The following MGAM variants were observed in gnomAD, a reference collection of about 807,000 sequenced individuals.
MGAM encodes the protein maltase-glucoamylase.
MGAM carries 253 observed loss-of-function variants against 358.8 expected under a neutral mutation model. That is an observed-to-expected ratio of 0.71 (90% confidence interval 0.64 to 0.78). The LOEUF (loss-of-function observed/expected upper bound fraction) is 0.78. MGAM is among the 30% of genes least tolerant of loss of function. The probability of loss-of-function intolerance (pLI) is 0.00; values close to 1 mark genes in which losing one functional copy is unlikely to be tolerated. For synonymous variants in MGAM, 1,105 were observed against 1,227.1 expected (o/e 0.90, Z 2.08); for missense variants, 3,080 against 3,432.6 (o/e 0.90, Z 2.57).
At chr7:142,063,394 G>A in intron 35 of MGAM, 105 bp from the exon 36 acceptor site, 2 of 1,358,452 alleles carry the variant, frequency 1.5e-6, no homozygotes, top group African/African-American at 1.4e-5. Flanking sequence ...GGCATCTACA[G>A]AGATTACTGG....
At chr7:142,058,554 G>A (rs1325920089) in intron 31 of MGAM, among the ~76,000 whole-genome samples, 2 of 152,198 alleles carry the variant, frequency 1.3e-5, no homozygotes, top group Admixed American at 6.5e-5. Context: ...GTGGGAGATA[G>A]GCTGGCTCCA....
intron 57 of MGAM, among the ~76,000 whole-genome samples, chr7:142,088,300 C>G (rs534614899): frequency 4.1e-5 from 6 of 146,094 alleles, no homozygotes; most frequent in African/African-American, 1.5e-4. Context: ...TGCAGTAAAA[C>G]AAAACAAACA....
intron 3 of MGAM, 95 bp downstream of exon 3, chr7:142,008,800 C>T: frequency 7.5e-7 from 1 of 1,327,162 alleles, no homozygotes; most frequent in East Asian, 2.4e-5. Flanking sequence ...TTATTAGTGA[C>T]TCTCAAGAGA....
chr7:141,986,791 A>G (rs1352569786), intron 2 of MGAM, among the ~76,000 whole-genome samples: 1 of 152,218 alleles, frequency 6.6e-6, no homozygotes, highest in Non-Finnish European at 1.5e-5. Flanking sequence ...CTAAAATGGT[A>G]TTTCCAAGAA....
intron 1 of MGAM, among the ~76,000 whole-genome samples, 179 bp from the exon 2 acceptor site, chr7:142,005,350 G>A (rs1206122450): frequency 6.6e-6 from 1 of 152,022 alleles, no homozygotes; most frequent in Non-Finnish European, 1.5e-5. Context: ...GAGAAAAGTG[G>A]ACCAGAATAA....
In MGAM at chr7:142,022,408, C is replaced by G. The variant is rs782344799; in HGVS notation, c.851C>G (p.Pro284Arg). 1.2e-6 allele frequency: 2 copies of G among 1,613,488 alleles called. No individual in the cohort carries two copies. The highest frequency in any genetic ancestry group is 8.5e-7 in the Non-Finnish European group (1 of 1,179,612). ...YRHDMNWKTW[P>R]IFNRDTTPNG... ...CATGATATGAATTGGAAGACCTGGC[C>G]CATATTTAACAGAGACACAACTCCC... The change falls in exon 7 of 71, where the codon CCC (proline) becomes CGC (arginine). Residue 284 changes from proline to arginine, a missense_variant. Pro to Arg is a moderately radical substitution (Grantham distance 103). Coordinates refer to ENST00000475668, the MANE Select transcript of MGAM (RefSeq NM_001365693.1).
chr7:142,080,681 A>C (rs1814175061), intron 49 of MGAM, 110 bp from the exon 50 acceptor site: 2 of 998,322 alleles, frequency 2.0e-6, no homozygotes, highest in Non-Finnish European at 2.9e-6. Context: ...AAACTTAAAG[A>C]AGACAGAAAC....
At chr7:142,056,485 G>C (rs1313678072) in intron 29 of MGAM, among the ~76,000 whole-genome samples, 1 of 152,124 alleles carries the variant, frequency 6.6e-6, no homozygotes, top group East Asian at 1.9e-4. Flanking sequence ...CTCACTGTCC[G>C]GGTGAGGGAT....
In MGAM at chr7:142,088,814, CTATG is replaced by C. The variant is rs1388058561; in HGVS notation, c.6810+2100_6810+2103del. Among the ~76,000 whole-genome samples, 7 of 115,142 alleles carry C rather than the reference CTATG, an allele frequency of 6.1e-5. 1 individual carries two copies. The highest frequency in any genetic ancestry group is 5.8e-5 in the African/African-American group (2 of 34,448). The allele number at this position is 115,142 out of a possible 152,430, so 75.5% of individuals were successfully genotyped here. ...CTATCTATCTATCATTCTATCCTATCTATGTACCATCTATCTATCTATCTATCTA... is the reference window on the plus strand; with the variant it reads ...CTATCTATCTATCATTCTATCCTATCTACCATCTATCTATCTATCTATCTA... On this transcript the variant is annotated intron_variant, in intron 57 of 70. Transcript: ENST00000475668.
At chr7:142,020,011 G>T (rs913902979) in intron 4 of MGAM, among the ~76,000 whole-genome samples, 4 of 151,678 alleles carry the variant, frequency 2.6e-5, no homozygotes, top group Non-Finnish European at 4.4e-5. Context: ...AGAGGTTGCA[G>T]TGAGCTGAGA....
chr7:142,051,267 G>A (rs185511692), intron 24 of MGAM, among the ~76,000 whole-genome samples: 2 of 152,128 alleles, frequency 1.3e-5, no homozygotes, highest in African/African-American at 4.8e-5. Context: ...GTCAGGTTTT[G>A]GAGGTCTTAG....
intron 23 of MGAM, among the ~76,000 whole-genome samples, 182 bp from the exon 24 acceptor site, chr7:142,050,515 T>A (rs1810841640): frequency 6.6e-6 from 1 of 152,162 alleles, no homozygotes; most frequent in African/African-American, 2.4e-5. Context: ...GTTTTTATGA[T>A]CGTTTTAAAT....
At chr7:142,059,052 T>C (rs1189482504) in intron 31 of MGAM, among the ~76,000 whole-genome samples, 1 of 152,230 alleles carries the variant, frequency 6.6e-6, no homozygotes, top group African/African-American at 2.4e-5. Context: ...TATACATCTT[T>C]GCTTTGTTTT....
At position 142,036,947 on chromosome 7, in the gene MGAM, G is replaced by C; in HGVS notation, c.2201G>C (p.Gly734Ala). Residue 734 changes from glycine (G) to alanine (A), a missense_variant, in exon 18 of 71, where the codon GGG becomes GCG. This residue lies in a region of MGAM where 1,816 missense variants were observed against 1,840.5 expected (regional missense o/e 0.99). Coordinates refer to ENST00000475668, the MANE Select transcript of MGAM (RefSeq NM_001365693.1). The stretch of plus-strand genomic sequence containing the variant: ...CTCTTCTTCCGTGCTCACAGCCGAG[G>C]GGACACGGTGGCCAGGCCCCTTTTG... ...YTLFFRAHSR[G>A]DTVARPLLHE... 6.2e-7 allele frequency: 1 copy of C among 1,613,582 alleles called. No homozygotes were observed. Among genetic ancestry groups the C allele is most frequent in the Non-Finnish European group, 8.5e-7 (1 of 1,179,624 alleles).
intron 63 of MGAM, 128 bp downstream of exon 63, chr7:142,094,991 G>T: frequency 1.1e-6 from 1 of 894,476 alleles, no homozygotes. Context: ...TTGAGACAAA[G>T]ACTCATTCTA....
At chr7:142,050,135 A>C in intron 22 of MGAM, 100 bp from the exon 23 acceptor site, 1 of 1,106,520 alleles carries the variant, frequency 9.0e-7, no homozygotes, top group Non-Finnish European at 1.4e-6. Flanking sequence ...GAAAACTGCT[A>C]TGTGTGACCT....
At chr7:142,053,041 T>C (rs1404604545) in intron 26 of MGAM, 57 bp downstream of exon 26, 6 of 1,556,590 alleles carry the variant, frequency 3.9e-6, no homozygotes, top group Non-Finnish European at 5.3e-6. Flanking sequence ...CCATTACCTT[T>C]TATTGGTCTG....
chr7:142,066,248 C>CT (rs1812745895), intron 40 of MGAM, among the ~76,000 whole-genome samples: 1 of 146,396 alleles, frequency 6.8e-6, no homozygotes, highest in South Asian at 2.2e-4. Context: ...GCGTGAGCCA[C>CT]TGCACCCTTA....
In MGAM at chr7:142,091,250, C is replaced by CAAAAAAAAAA. The variant is rs34993763; in HGVS notation, c.6811-657_6811-648dup. Among the ~76,000 whole-genome samples the CAAAAAAAAAA allele has an allele frequency of 5.7e-3, 495 of 86,642 alleles. 6 individuals carry two copies. The highest frequency in any genetic ancestry group is 0.019 in the African/African-American group (471 of 24,300). 56.8% of individuals were successfully genotyped at this position (86,642 alleles called of 152,430 possible). A position where few individuals can be genotyped will look rare whatever the true frequency, so the allele number is the denominator to read the frequency against. The stretch of plus-strand genomic sequence containing the variant: ...TGGGTGACAGAGCAAGACTCTGTCT[C>CAAAAAAAAAA]AAAAAAAAAAAAAAAGAAGTTGTAC... On this transcript the variant is annotated intron_variant, in intron 57 of 70. Coordinates refer to ENST00000475668, the MANE Select transcript of MGAM (RefSeq NM_001365693.1).
Sources: allele counts gnomAD v4.1 joint callset (sites outside exome capture counted in the v4.1 genomes callset), GRCh38; gene constraint gnomAD v4.1.1; regional missense constraint gnomAD v4.1.1; transcripts MANE v1.5; gene names NCBI Gene and HGNC (gene_info 2026-07-23, HGNC 2026-07-21).